Variants in ZNF365 observed in about 807,000 individuals in gnomAD.
ZNF365 encodes zinc finger protein 365.
In ZNF365, 22 loss-of-function variants were observed where a neutral mutation model predicts 35.0. The ratio of observed to expected loss-of-function variants is 0.63; its 90% confidence interval spans 0.45 to 0.90. The LOEUF (loss-of-function observed/expected upper bound fraction) is 0.90. Among genes scored for constraint, ZNF365 ranks in the 40% least tolerant of loss-of-function variants. ZNF365 has a pLI of 0.00. For missense variants in ZNF365, 448 were observed against 500.3 expected (o/e 0.90, Z 1.00); for synonymous variants, 188 against 196.2 (o/e 0.96, Z 0.35).
intron 3 of ZNF365, among the ~76,000 whole-genome samples, chr10:62,409,121 A>G (rs974809879): frequency 1.3e-5 from 2 of 152,150 alleles, no homozygotes; most frequent in African/African-American, 4.8e-5. Context: ...GTGACTTAGA[A>G]TCTGCCTATC....
downstream of ZNF365, among the ~76,000 whole-genome samples, chr10:62,403,381 G>A (rs983676348): frequency 2.0e-5 from 3 of 152,162 alleles, no homozygotes; most frequent in Admixed American, 6.5e-5. Context: ...TGGACCCGCC[G>A]GGTGCGGTGG....
chr10:62,403,582 C>T (rs1487628443), downstream of ZNF365, among the ~76,000 whole-genome samples: 5 of 151,986 alleles, frequency 3.3e-5, no homozygotes, highest in African/African-American at 9.7e-5. Context: ...GGCGTGAACC[C>T]GGGAAGCGGA....
At chr10:62,399,140 C>T (rs1408554835) in intron 4 of ZNF365, among the ~76,000 whole-genome samples, 5 of 152,152 alleles carry the variant, frequency 3.3e-5, no homozygotes, top group Non-Finnish European at 5.9e-5. Flanking sequence ...CAGTCATATG[C>T]TTTACAACAT....
chr10:62,433,317 G>A (rs1434431909), intron 3 of ZNF365, among the ~76,000 whole-genome samples: 1 of 152,128 alleles, frequency 6.6e-6, no homozygotes, highest in Non-Finnish European at 1.5e-5. Flanking sequence ...ATCGAGGCGG[G>A]CTGAGTCATC....
rs1839837347 is a variant in ZNF365 at position 62,401,949 on chromosome 10, C to A, written c.*2160C>A. ...TTTTACGTTCCCACTAAATTTTGAC[C>A]CCATATAAAGAAATGTGTTATGTAT... On this transcript the variant is annotated 3_prime_UTR_variant, in exon 5 of 5. Transcript: ENST00000395254. 1.0e-6 allele frequency: 1 copy of A among 985,112 alleles called. No individual in the cohort carries two copies. The highest frequency in any genetic ancestry group is 1.2e-6 in the Non-Finnish European group (1 of 829,856). 61.0% of individuals were successfully genotyped at this position (985,112 alleles called of 1,614,324 possible).
intron 4 of ZNF365, among the ~76,000 whole-genome samples, chr10:62,468,730 CTT>C (rs780342952): frequency 6.6e-6 from 1 of 152,190 alleles, no homozygotes; most frequent in Non-Finnish European, 1.5e-5. Flanking sequence ...AAAAATTTAT[CTT>C]GTTTGTGCCC....
At chr10:62,404,483 C>T (rs577486946), downstream of ZNF365, among the ~76,000 whole-genome samples, 1 of 152,296 alleles carries the variant, frequency 6.6e-6, no homozygotes, top group Non-Finnish European at 1.5e-5. Context: ...GCTACTATTT[C>T]CTTTGAGTAC....
intron 4 of ZNF365, among the ~76,000 whole-genome samples, chr10:62,468,860 G>T (rs1840986519): frequency 6.6e-6 from 1 of 152,220 alleles, no homozygotes; most frequent in East Asian, 1.9e-4. Context: ...CCACTTAATG[G>T]GTGCCAAAAC....
chr10:62,471,646 C>G (rs978766700), intron 4 of ZNF365, among the ~76,000 whole-genome samples: 1 of 152,154 alleles, frequency 6.6e-6, no homozygotes, highest in African/African-American at 2.4e-5. Context: ...CTACCTATAC[C>G]GTACACCCAC....
In ZNF365 at chr10:62,402,369, G is replaced by C; in HGVS notation, c.*2580G>C. The C allele has an allele frequency of 1.0e-6, 1 of 985,544 alleles. No individual in the cohort carries two copies. 61.0% of individuals were successfully genotyped at this position (985,544 alleles called of 1,614,324 possible). ...TTCTGCAGGGCCAGTCAGTTGTACA[G>C]AAGTTGGAATATTCTGTTCCAGAAT... On this transcript the variant is annotated 3_prime_UTR_variant, in exon 5 of 5. Transcript: ENST00000395254.
At chr10:62,421,604 G>A (rs981643823) in intron 3 of ZNF365, among the ~76,000 whole-genome samples, 9 of 152,150 alleles carry the variant, frequency 5.9e-5, no homozygotes, top group African/African-American at 9.7e-5. Context: ...ACAGCCTCCC[G>A]ACATTGGCAT....
chr10:62,391,835 A>G (rs1201475025), intron 3 of ZNF365, among the ~76,000 whole-genome samples: 1 of 152,230 alleles, frequency 6.6e-6, no homozygotes, highest in Non-Finnish European at 1.5e-5. Context: ...ACTGTTTTCC[A>G]TAGTGGTTGT....
chr10:62,377,903 T>C (rs1387781818), intron 2 of ZNF365, among the ~76,000 whole-genome samples: 3 of 152,248 alleles, frequency 2.0e-5, no homozygotes, highest in Admixed American at 2.0e-4. Context: ...ATCTTTTCTT[T>C]GCCCTCTGGC....
intron 3 of ZNF365, among the ~76,000 whole-genome samples, chr10:62,442,343 A>G (rs1006116431): frequency 2.0e-5 from 3 of 152,232 alleles, no homozygotes; most frequent in Non-Finnish European, 4.4e-5. Context: ...TCAGAGATGA[A>G]TCAAAGCCAG....
At chr10:62,451,729 A>C (rs552495409) in intron 3 of ZNF365, among the ~76,000 whole-genome samples, 32 of 152,280 alleles carry the variant, frequency 2.1e-4, no homozygotes, top group African/African-American at 7.5e-4. Flanking sequence ...AATAATGCCC[A>C]TCATTGTTTC....
intron 4 of ZNF365, among the ~76,000 whole-genome samples, chr10:62,467,103 A>T (rs573420519): frequency 1.3e-5 from 2 of 152,362 alleles, no homozygotes; most frequent in South Asian, 4.1e-4. Flanking sequence ...CAACCTGAAA[A>T]AAGGGCAGAT....
chr10:62,400,263 C>T lies in ZNF365; in HGVS notation c.*474C>T. The T allele has an allele frequency of 1.0e-6, 1 of 987,210 alleles. No individual in the cohort carries two copies. Among genetic ancestry groups the T allele is most frequent in the Non-Finnish European group, 1.2e-6 (1 of 830,818 alleles). The allele number at this position is 987,210 out of a possible 1,614,324, so 61.2% of individuals were successfully genotyped here. On this transcript the variant is annotated 3_prime_UTR_variant, in exon 5 of 5. Coordinates refer to ENST00000395254, the MANE Select transcript of ZNF365 (RefSeq NM_014951.3). The stretch of plus-strand genomic sequence containing the variant: ...TATTTGTGTTTGTGTATAACCTTCC[C>T]CTCAGCTAATTTGAAAGCCTCCAAA...
At chr10:62,388,368 T>G (rs1421702077) in intron 2 of ZNF365, 28 bp from the exon 3 acceptor site, 1 of 1,613,652 alleles carries the variant, frequency 6.2e-7, no homozygotes. Context: ...ATATTTCCCT[T>G]TTGTGTTCTG....
At chr10:62,389,240 C>T (rs1395259792) in intron 3 of ZNF365, among the ~76,000 whole-genome samples, 1 of 88,618 alleles carries the variant, frequency 1.1e-5, no homozygotes, top group East Asian at 3.4e-4. Flanking sequence ...CGTTGGAGGG[C>T]GGAGGGAGGT....
Sources: gnomAD v4.1 joint callset for allele counts (sites outside exome capture counted in the v4.1 genomes callset) on GRCh38, gnomAD v4.1.1 for gene constraint, MANE v1.5 for transcripts, NCBI Gene and HGNC (gene_info 2026-07-23, HGNC 2026-07-21) for gene names.